PECAM1: variants seen among roughly 807,000 people sequenced by gnomAD.
The protein encoded by PECAM1 is platelet endothelial cell adhesion molecule.
PECAM1 carries 8 observed loss-of-function variants against 13.8 expected under a neutral mutation model. The ratio of observed to expected loss-of-function variants is 0.58; its 90% CI spans 0.34 to 1.05. PECAM1 has a LOEUF of 1.05. PECAM1 is among the 50% of genes least tolerant of loss of function. The probability of loss-of-function intolerance (pLI) is 0.03; values close to 1 mark genes in which losing one functional copy is unlikely to be tolerated. For synonymous variants in PECAM1, 136 were observed against 52.6 expected (o/e 2.58, Z -6.86); for missense variants, 304 against 141.2 (o/e 2.15, Z -5.84).
In PECAM1 at chr17:64,321,485, C is replaced by A; in HGVS notation, c.*2331G>T. ...TCATGTGTGCTCCACAGGCCGGGGG[C>A]GGTGGCTCATGCCTGCAATCCCAGC... On this transcript the variant is annotated 3_prime_UTR_variant, in exon 16 of 16. Coordinates refer to ENST00000563924, the MANE Select transcript of PECAM1 (RefSeq NM_000442.5). 2 of 997,356 alleles carry A rather than the reference C, an allele frequency of 2.0e-6. No homozygotes were observed. Among genetic ancestry groups the A allele is most frequent in the African/African-American group, 1.7e-5 (1 of 57,604 alleles). 61.8% of individuals were successfully genotyped at this position (997,356 alleles called of 1,614,324 possible).
chr17:64,363,754 T>A (rs1431499541), intron 5 of PECAM1, among the ~76,000 whole-genome samples: 1 of 152,094 alleles, frequency 6.6e-6, no homozygotes, highest in Non-Finnish European at 1.5e-5. Context: ...GAGACCAGCC[T>A]GGGCAACATG....
At chr17:64,380,802 C>T (rs1470720791) in intron 2 of PECAM1, among the ~76,000 whole-genome samples, 1 of 152,210 alleles carries the variant, frequency 6.6e-6, no homozygotes, top group Non-Finnish European at 1.5e-5. Context: ...GCCTGGCTAA[C>T]ATGGTGAAAC....
intron 5 of PECAM1, 149 bp from the exon 6 acceptor site, chr17:64,363,546 C>G (rs932633280): frequency 2.2e-6 from 1 of 458,886 alleles, no homozygotes; most frequent in Admixed American, 3.2e-5. Context: ...ATGTACCTAA[C>G]GATCACCCCA....
intron 14 of PECAM1, among the ~76,000 whole-genome samples, chr17:64,337,743 G>A (rs922249430): frequency 6.6e-6 from 1 of 152,068 alleles, no homozygotes; most frequent in African/African-American, 2.4e-5. Context: ...TGGAGACCCC[G>A]AGAGAACCCA....
intron 14 of PECAM1, among the ~76,000 whole-genome samples, chr17:64,331,786 C>T (rs2035128424): frequency 6.6e-6 from 1 of 152,240 alleles, no homozygotes; most frequent in Non-Finnish European, 1.5e-5. Flanking sequence ...TGGACCCTGA[C>T]TTGAAGACAG....
At chr17:64,387,382 T>C (rs1341150344) in intron 2 of PECAM1, among the ~76,000 whole-genome samples, 1 of 149,512 alleles carries the variant, frequency 6.7e-6, no homozygotes, top group East Asian at 2.0e-4. Context: ...GAGGTTCGAC[T>C]GAGAAAGGAA....
intron 2 of PECAM1, among the ~76,000 whole-genome samples, chr17:64,386,342 TTGCAGTGAGCTGAGATCCAACCAC>T (rs2036592440): frequency 6.7e-6 from 1 of 150,082 alleles, no homozygotes; most frequent in Non-Finnish European, 1.5e-5. Context: ...GAGGTGAAGG[TTGCAGTGAGCTGAGATCCAACCAC>T]TGCACTCCAG....
At chr17:64,334,708 C>A (rs973314788) in intron 14 of PECAM1, among the ~76,000 whole-genome samples, 1 of 152,042 alleles carries the variant, frequency 6.6e-6, no homozygotes, top group African/African-American at 2.4e-5. Flanking sequence ...GGGGTTTCAC[C>A]GTGTTAGCCA....
intron 2 of PECAM1, among the ~76,000 whole-genome samples, chr17:64,380,945 A>G (rs2036468856): frequency 6.6e-6 from 1 of 152,194 alleles, no homozygotes; most frequent in South Asian, 2.1e-4. Context: ...TGAGATCACA[A>G]CACTGCACTG....
At chr17:64,373,984 G>A (rs2036300076) in intron 4 of PECAM1, among the ~76,000 whole-genome samples, 1 of 152,096 alleles carries the variant, frequency 6.6e-6, no homozygotes. Context: ...TCTCCTGGGA[G>A]CATTTCCCAG....
chr17:64,357,656 T>G (rs982901583), intron 7 of PECAM1, among the ~76,000 whole-genome samples: 2 of 152,156 alleles, frequency 1.3e-5, no homozygotes, highest in South Asian at 2.1e-4. Context: ...ACCCACCAGC[T>G]GTCTGCCCTA....
chr17:64,388,850 T>C (rs1439936051), intron 2 of PECAM1, among the ~76,000 whole-genome samples: 1 of 152,140 alleles, frequency 6.6e-6, no homozygotes, highest in African/African-American at 2.4e-5. Context: ...GTATTTTTAG[T>C]AGAGACGGGG....
intron 14 of PECAM1, among the ~76,000 whole-genome samples, chr17:64,337,545 G>A (rs2035310735): frequency 6.6e-6 from 1 of 152,156 alleles, no homozygotes; most frequent in Non-Finnish European, 1.5e-5. Context: ...TCTCTGAGGG[G>A]TAAGACATCT....
At chr17:64,325,060 T>C (rs1555645306) in intron 15 of PECAM1, among the ~76,000 whole-genome samples, 1 of 152,260 alleles carries the variant, frequency 6.6e-6, no homozygotes, top group African/African-American at 2.4e-5. Flanking sequence ...AACTGAATTA[T>C]ACACTTTAAA....
chr17:64,325,807 C>G (rs946566933), intron 15 of PECAM1, among the ~76,000 whole-genome samples: 9 of 152,200 alleles, frequency 5.9e-5, no homozygotes, highest in African/African-American at 2.2e-4. Flanking sequence ...CTTCTGCCAT[C>G]CTGTAGTGCT....
chr17:64,359,992 T>C (rs1457115720), intron 7 of PECAM1, 148 bp downstream of exon 7: 3 of 466,034 alleles, frequency 6.4e-6, no homozygotes, highest in Non-Finnish European at 1.2e-5. Flanking sequence ...GCCTCAATGA[T>C]TCACCGGCCT....
At chr17:64,370,229 C>T in intron 4 of PECAM1, 1 of 375,084 alleles carries the variant, frequency 2.7e-6, no homozygotes, top group Non-Finnish European at 4.7e-6. Context: ...CTTCAGGCTT[C>T]TTCACTGCAA....
In PECAM1 at chr17:64,356,207, C is replaced by T; in HGVS notation, c.1684G>A (p.Ala562Thr). 2.1e-6 allele frequency: 1 copy of T among 474,862 alleles called. No homozygotes were observed. The allele number at this position is 474,862 out of a possible 1,614,324, so 29.4% of individuals were successfully genotyped here. A position where few individuals can be genotyped will look rare whatever the true frequency, so the allele number is the denominator to read the frequency against. ...ATQAFWTKQK[A>T]SKEQEGEYYC... Reference sequence around the variant, plus strand: ...TACTCTCCCTCCTGTTCCTTGCTAGCCTTCTGCTTGGTCCAAAATGCCTGG... The same window carrying T: ...TACTCTCCCTCCTGTTCCTTGCTAGTCTTCTGCTTGGTCCAAAATGCCTGG... Residue 562 changes from alanine to threonine, a missense_variant, in exon 8 of 16, where the codon GCT (alanine) becomes ACT (threonine). Physicochemically the swap from Ala to Thr is moderately conservative, Grantham distance 58. Coordinates refer to ENST00000563924, the MANE Select transcript of PECAM1 (RefSeq NM_000442.5).
intron 5 of PECAM1, among the ~76,000 whole-genome samples, chr17:64,366,689 T>C (rs1460977218): frequency 2.0e-5 from 3 of 151,026 alleles, no homozygotes; most frequent in African/African-American, 7.3e-5. Flanking sequence ...ATGGATGAAA[T>C]TGGAAATCAT....
Sources: gnomAD v4.1 joint callset for allele counts (sites outside exome capture counted in the v4.1 genomes callset) on GRCh38, gnomAD v4.1.1 for gene constraint, MANE v1.5 for transcripts, NCBI Gene and HGNC (gene_info 2026-07-23, HGNC 2026-07-21) for gene names.